The following TIAM1 variants were observed in gnomAD, a reference collection of about 807,000 sequenced individuals.
TIAM1 encodes TIAM Rac1 associated GEF 1.
A neutral mutation model predicts 163.5 loss-of-function variants in TIAM1; 65 were observed. The ratio of observed to expected loss-of-function variants is 0.40; its 90% CI spans 0.33 to 0.49. The LOEUF (loss-of-function observed/expected upper bound fraction) is 0.49. Among genes scored for constraint, TIAM1 ranks in the 20% least tolerant of loss-of-function variants. The pLI is 0.77. For missense variants in TIAM1, 1,789 were observed against 2,044.7 expected, an observed-to-expected ratio of 0.87 and a Z score of 2.41; for synonymous variants, 833 against 810.1, an observed-to-expected ratio of 1.03 and a Z score of -0.48.
intron 1 of TIAM1, among the ~76,000 whole-genome samples, chr21:31,473,977 ATCTGTT>A (rs2045848367): frequency 6.6e-6 from 1 of 152,190 alleles, no homozygotes; most frequent in Non-Finnish European, 1.5e-5. Flanking sequence ...TGGCACCAGC[ATCTGTT>A]TCTGGTGAGG....
rs193222352 is a variant in TIAM1, at chr21:31,505,327, A to C, written c.-421-41292T>G. Among the ~76,000 whole-genome samples the C allele has an allele frequency of 3.3e-4, 50 of 152,368 alleles. 1 individual carries two copies. The highest frequency in any genetic ancestry group is 3.1e-3 in the East Asian group (16 of 5,186). On this transcript the variant is annotated intron_variant, in intron 1 of 28. Coordinates refer to the TIAM1 transcript ENST00000286827. ...TATTATCATCAGCATGAATAATTAGATTCTAAGACCAAGAAGTATAAATGT... is the reference window on the plus strand; with the variant it reads ...TATTATCATCAGCATGAATAATTAGCTTCTAAGACCAAGAAGTATAAATGT...
intron 2 of TIAM1, among the ~76,000 whole-genome samples, chr21:31,436,290 G>A (rs1023377522): frequency 4.6e-5 from 7 of 152,162 alleles, no homozygotes; most frequent in Admixed American, 3.3e-4. Flanking sequence ...GCACATGGCA[G>A]CCACTTAATA....
intron 2 of TIAM1, among the ~76,000 whole-genome samples, chr21:31,434,999 T>C (rs962243800): frequency 1.3e-5 from 2 of 152,250 alleles, no homozygotes; most frequent in Non-Finnish European, 2.9e-5. Context: ...TAAATTCATA[T>C]GCTGTTCATA....
intron 3 of TIAM1, among the ~76,000 whole-genome samples, chr21:31,267,620 T>A (rs1485765412): frequency 7.2e-6 from 1 of 137,984 alleles, no homozygotes; most frequent in Non-Finnish European, 1.5e-5. Flanking sequence ...TCCTAGTAAA[T>A]CAAAGTCAAA....
intron 2 of TIAM1, among the ~76,000 whole-genome samples, chr21:31,318,387 G>A (rs2147017610): frequency 6.6e-6 from 1 of 152,320 alleles, no homozygotes. Flanking sequence ...TTACAGGCGT[G>A]AGCCACCGTG....
At chr21:31,483,094 C>T (rs1001257207) in intron 1 of TIAM1, among the ~76,000 whole-genome samples, 12 of 152,132 alleles carry the variant, frequency 7.9e-5, no homozygotes, top group African/African-American at 9.7e-5. Context: ...CACACCATGG[C>T]GGGCTGTCTC....
chr21:31,488,773 T>G (rs1423521774), intron 1 of TIAM1, among the ~76,000 whole-genome samples: 1 of 152,026 alleles, frequency 6.6e-6, no homozygotes, highest in East Asian at 1.9e-4. Flanking sequence ...TGGGGATTAT[T>G]ATAATTCAAG....
rs79681907 is a variant in TIAM1, at chr21:31,549,634, G to A, written c.-422+9293C>T. On this transcript the variant is annotated intron_variant, in intron 1 of 28. Transcript: ENST00000286827. ...AGGAGATACAGCCGCTCATCCAATA[G>A]GATGGCTATAATCAAAAAGACAGAC... Among the ~76,000 whole-genome samples, 207 of 152,278 alleles carry A rather than the reference G, an allele frequency of 1.4e-3. 1 individual carries two copies. The highest frequency in any genetic ancestry group is 4.7e-3 in the African/African-American group (196 of 41,550).
intron 1 of TIAM1, among the ~76,000 whole-genome samples, chr21:31,524,885 A>G (rs1290529725): frequency 6.6e-6 from 1 of 152,092 alleles, no homozygotes; most frequent in African/African-American, 2.4e-5. Flanking sequence ...TGCTGCTACA[A>G]AGGAATGCCT....
At chr21:31,468,340 G>A (rs553164794) in intron 1 of TIAM1, among the ~76,000 whole-genome samples, 62 of 151,892 alleles carry the variant, frequency 4.1e-4, no homozygotes, top group Admixed American at 9.8e-4. Flanking sequence ...AAAATTAGCC[G>A]GGTGTGGTGG....
At chr21:31,176,597 C>CGTAAACCAA (rs147742519) in intron 15 of TIAM1, among the ~76,000 whole-genome samples, 97 of 152,248 alleles carry the variant, frequency 6.4e-4, no homozygotes, top group African/African-American at 2.3e-3. Flanking sequence ...AGGCTTCCCT[C>CGTAAACCAA]GTAAACCAAG....
Position 31,396,000 on chromosome 21 carries a change from T to C in TIAM1, c.-368-56578A>G, listed in dbSNP as rs1172621825. On this transcript the variant is annotated intron_variant, in intron 2 of 28. Coordinates refer to the TIAM1 transcript ENST00000286827. This position sits in a 1 kb window ranked among gnomAD's most constrained non-coding sequence, Gnocchi z 7.5. ...TCCTCCGTAATGGCTGTGAAATTGA[T>C]TGGGATATAGGCTAACAGAGGTCCC... 2.0e-5 allele frequency among the ~76,000 whole-genome samples: 3 copies of C among 152,192 alleles called. No homozygotes were observed. The highest frequency in any genetic ancestry group is 2.9e-5 in the Non-Finnish European group (2 of 68,048).
chr21:31,198,294 C>T (rs2085991965), intron 12 of TIAM1, among the ~76,000 whole-genome samples: 1 of 152,168 alleles, frequency 6.6e-6, no homozygotes, highest in African/African-American at 2.4e-5. Flanking sequence ...ACTCAGGAGC[C>T]TGAGAAAGCG....
intron 19 of TIAM1, among the ~76,000 whole-genome samples, chr21:31,149,508 C>G (rs2083283982): frequency 1.3e-5 from 2 of 152,152 alleles, no homozygotes; most frequent in Admixed American, 6.5e-5. Flanking sequence ...ACACTGCTCT[C>G]AGTACACTCA....
chr21:31,413,390 C>T lies in TIAM1; in HGVS notation c.-369+50593G>A, dbSNP rs1161997458. ...GTTCACGCCATTCTCCTGCCTCAGC[C>T]TCCCAAGTAGCTGGGACTACAGGCA... On this transcript the variant is annotated intron_variant, in intron 2 of 28. Transcript: ENST00000286827. Among the ~76,000 whole-genome samples, 8 of 151,634 alleles carry T rather than the reference C, an allele frequency of 5.3e-5. No individual in the cohort carries two copies. In the East Asian group the frequency reaches 1.6e-3, roughly 30 times the overall value.
chr21:31,164,159 G>A (rs1601370774), intron 16 of TIAM1, among the ~76,000 whole-genome samples: 1 of 152,234 alleles, frequency 6.6e-6, no homozygotes, highest in East Asian at 1.9e-4. Context: ...GGGAGGCCAA[G>A]GCGGGTGGAT....
At chr21:31,236,837 G>GC (rs1205293177) in intron 6 of TIAM1, among the ~76,000 whole-genome samples, 3 of 152,194 alleles carry the variant, frequency 2.0e-5, no homozygotes, top group Admixed American at 6.6e-5. Flanking sequence ...AGGATGCTGA[G>GC]CGCCTGGGCA....
At chr21:31,552,446 C>A (rs1325612456) in intron 1 of TIAM1, among the ~76,000 whole-genome samples, 1 of 152,152 alleles carries the variant, frequency 6.6e-6, no homozygotes, top group African/African-American at 2.4e-5. Flanking sequence ...GTCCCTACTA[C>A]AAAGGTAGCT....
chr21:31,313,154 C>T (rs1173999152), intron 2 of TIAM1, among the ~76,000 whole-genome samples: 3 of 152,198 alleles, frequency 2.0e-5, no homozygotes, highest in African/African-American at 4.8e-5. Context: ...AGTTTTCATG[C>T]GTAATTTTCT....
Sources: gnomAD v4.1 joint callset for allele counts (sites outside exome capture counted in the v4.1 genomes callset) on GRCh38, gnomAD v4.1.1 for gene constraint, Gnocchi (gnomAD v3.1) non-coding constraint, MANE v1.5 for transcripts, NCBI Gene and HGNC (gene_info 2026-07-23, HGNC 2026-07-21) for gene names.